The following RTTN variants were observed in gnomAD, a reference collection of about 807,000 sequenced individuals.
The protein encoded by RTTN is rotatin.
Under a neutral mutation model 269.2 loss-of-function variants are expected in RTTN, and 182 were observed. The ratio of observed to expected loss-of-function variants is 0.68; its 90% CI spans 0.60 to 0.76. The LOEUF (loss-of-function observed/expected upper bound fraction) is 0.76, where lower values mean the gene tolerates loss of function less well. RTTN is among the 30% of genes least tolerant of loss of function. The pLI, the probability that RTTN is intolerant of heterozygous loss-of-function variation, is 0.00. For missense variants in RTTN, 2,545 were observed against 2,608.6 expected (o/e 0.98, Z 0.53); for synonymous variants, 1,006 against 963.5 (o/e 1.04, Z -0.82).
In RTTN at chr18:70,179,399, A is replaced by T. The variant is rs1254341245; in HGVS notation, c.1306-2554T>A. 2.0e-5 allele frequency among the ~76,000 whole-genome samples: 3 copies of T among 152,162 alleles called. No homozygotes were observed. The East Asian group carries it at 5.8e-4, about 29-fold the overall frequency. ...TGATGAATTGAGTACTTCTCAAAAT[A>T]TCATAAAAAGAAAATACTTTAGGAA... On this transcript the variant is annotated intron_variant, in intron 10 of 48. Transcript: ENST00000640769.
rs1300166326 is a variant in RTTN at position 70,188,133 on chromosome 18, T to A, written c.1280A>T (p.Asp427Val). The change falls in exon 10 of 49, where the codon GAC (aspartate) becomes GTC (valine). Residue 427 changes from aspartate to valine, a missense_variant. Transcript: ENST00000640769. Reference sequence around the variant, plus strand: ...CATATCTATACCAAAAAGGCTGCTGTCATCCCAGATATCTGTTGAAATTGC... The same window carrying A: ...CATATCTATACCAAAAAGGCTGCTGACATCCCAGATATCTGTTGAAATTGC... ...GEAISTDIWD[D>V]SSLFGIDMKE... 2.5e-6 allele frequency: 4 copies of A among 1,604,936 alleles called. No individual in the cohort carries two copies. In the Admixed American group the frequency reaches 6.7e-5, roughly 27 times the overall value.
chr18:70,140,390 A>G (rs956101477), intron 19 of RTTN, among the ~76,000 whole-genome samples: 5 of 152,318 alleles, frequency 3.3e-5, no homozygotes, highest in Non-Finnish European at 2.9e-5. Flanking sequence ...AGTAAAAAGC[A>G]TATCTTACTT....
At chr18:70,103,884 C>A (rs1228148668) in intron 28 of RTTN, among the ~76,000 whole-genome samples, 1 of 151,814 alleles carries the variant, frequency 6.6e-6, no homozygotes, top group South Asian at 2.1e-4. Flanking sequence ...CTTCCCTTTG[C>A]GTGTAACGGG....
Position 70,176,776 on chromosome 18 carries a change from A to T in RTTN, c.1375T>A (p.Leu459Met), listed in dbSNP as rs752199530. 6 of 1,614,176 alleles carry T rather than the reference A, an allele frequency of 3.7e-6. No homozygotes were observed. The East Asian group carries it at 1.1e-4, about 30-fold the overall frequency. Residue 459 changes from leucine (L) to methionine (M), a missense_variant, in exon 11 of 49, where the codon TTG becomes ATG. Physicochemically the swap from Leu to Met is conservative, Grantham distance 15. Transcript: ENST00000640769. ...ACAAGCATCACCTCTGGCTGCTCCA[A>T]ACTGATACTACTTTTATGGTAGCAC... ...TMCYHKSSIS[L>M]EQPEVMLVHH...
chr18:70,139,833 C>A, intron 20 of RTTN, 117 bp from the exon 21 acceptor site: 1 of 697,924 alleles, frequency 1.4e-6, no homozygotes, highest in Non-Finnish European at 2.5e-6. Context: ...TTATCTGAAA[C>A]TAAAATGTAA....
chr18:70,013,413 CTGTGTGTGTG>C (rs150097969), intron 46 of RTTN, among the ~76,000 whole-genome samples: 1 of 145,656 alleles, frequency 6.9e-6, no homozygotes, highest in East Asian at 2.0e-4. Context: ...GTGTGTGTGT[CTGTGTGTGTG>C]TGTGTGTGTG....
At chr18:70,183,866 C>G (rs1305492995) in intron 10 of RTTN, among the ~76,000 whole-genome samples, 1 of 152,170 alleles carries the variant, frequency 6.6e-6, no homozygotes, top group Admixed American at 6.5e-5. Context: ...CTTCTGGGTT[C>G]GAGTGATCCT....
rs539538496 is a variant in RTTN at position 70,020,220 on chromosome 18, A to G, written c.6153+395T>C. ...GTCTAACTGGGGGAAGTGGGCTGTGATTTCATAAACCATTTTGTCAATGAA... is the reference window on the plus strand; with the variant it reads ...GTCTAACTGGGGGAAGTGGGCTGTGGTTTCATAAACCATTTTGTCAATGAA... On this transcript the variant is annotated intron_variant, in intron 45 of 48. Coordinates refer to ENST00000640769, the MANE Select transcript of RTTN (RefSeq NM_173630.4). Among the ~76,000 whole-genome samples, 268 of 152,306 alleles carry G rather than the reference A, an allele frequency of 1.8e-3. 10 individuals carry two copies. The highest frequency in any genetic ancestry group is 0.017 in the Admixed American group (265 of 15,300).
chr18:70,095,501 C>G (rs999499515), intron 28 of RTTN, among the ~76,000 whole-genome samples: 1 of 152,140 alleles, frequency 6.6e-6, no homozygotes, highest in South Asian at 2.1e-4. Flanking sequence ...CTGGTGGTGA[C>G]AAAATCTCTC....
At chr18:70,017,835 T>C (rs529753871) in intron 45 of RTTN, among the ~76,000 whole-genome samples, 161 bp from the exon 46 acceptor site, 1 of 152,324 alleles carries the variant, frequency 6.6e-6, no homozygotes, top group African/African-American at 2.4e-5. Context: ...TTTCCAAGCA[T>C]AAGTGAAAAA....
chr18:70,053,118 GT>G (rs1170109644), intron 38 of RTTN, among the ~76,000 whole-genome samples: 1 of 152,106 alleles, frequency 6.6e-6, no homozygotes, highest in African/African-American at 2.4e-5. Flanking sequence ...ATTCACCACA[GT>G]TTTGTGGCAC....
chr18:70,152,225 G>A, intron 14 of RTTN, among the ~76,000 whole-genome samples: 1 of 146,558 alleles, frequency 6.8e-6, no homozygotes, highest in East Asian at 2.0e-4. Context: ...GCTGATGACT[G>A]AAAATTTTAT....
intron 10 of RTTN, among the ~76,000 whole-genome samples, chr18:70,177,958 G>A (rs1472080729): frequency 2.0e-5 from 3 of 152,068 alleles, no homozygotes; most frequent in Non-Finnish European, 4.4e-5. Flanking sequence ...CTGAAAGCAG[G>A]GTCTCCAAAA....
chr18:70,178,633 A>C (rs2061355691), intron 10 of RTTN, among the ~76,000 whole-genome samples: 1 of 152,112 alleles, frequency 6.6e-6, no homozygotes, highest in African/African-American at 2.4e-5. Context: ...TTTCATATTG[A>C]AGTAAAAAAC....
At chr18:70,045,666 T>C (rs1489238626) in intron 40 of RTTN, among the ~76,000 whole-genome samples, 1 of 152,224 alleles carries the variant, frequency 6.6e-6, no homozygotes, top group African/African-American at 2.4e-5. Flanking sequence ...TAGGTACACA[T>C]TTTGTCATGA....
intron 40 of RTTN, among the ~76,000 whole-genome samples, chr18:70,033,791 G>GA (rs1273082940): frequency 6.6e-6 from 1 of 151,332 alleles, no homozygotes; most frequent in Non-Finnish European, 1.5e-5. Context: ...CCAGTTTTTT[G>GA]AAAAAAATAA....
Position 70,196,486 on chromosome 18 carries a change from G to A in RTTN, c.841+15C>T, listed in dbSNP as rs1215997098. On this transcript the variant is annotated intron_variant, in intron 7 of 48. Coordinates refer to ENST00000640769, the MANE Select transcript of RTTN (RefSeq NM_173630.4). ...AAATAACACCAGTGGCTAATGAACA[G>A]ATAAAAATAAATACCGTGTTTATTG... 1 of 1,600,744 alleles carries A rather than the reference G, an allele frequency of 6.2e-7. No individual in the cohort carries two copies. The highest frequency in any genetic ancestry group is 8.5e-7 in the Non-Finnish European group (1 of 1,174,926).
chr18:70,157,186 C>G (rs570990509), intron 14 of RTTN, among the ~76,000 whole-genome samples: 1 of 152,184 alleles, frequency 6.6e-6, no homozygotes, highest in Non-Finnish European at 1.5e-5. Flanking sequence ...CCCACGCCCC[C>G]CCAGAGCACT....
intron 3 of RTTN, among the ~76,000 whole-genome samples, chr18:70,203,450 TC>T (rs2062003090): frequency 6.6e-6 from 1 of 152,216 alleles, no homozygotes; most frequent in African/African-American, 2.4e-5. Context: ...TGCCTCGGCT[TC>T]CCAAAGTGCC....
Sources: allele counts gnomAD v4.1 joint callset (sites outside exome capture counted in the v4.1 genomes callset), GRCh38; gene constraint gnomAD v4.1.1; transcripts MANE v1.5; gene names NCBI Gene and HGNC (gene_info 2026-07-23, HGNC 2026-07-21).